Variants in HSPA12A observed in about 807,000 individuals in gnomAD.
The protein encoded by HSPA12A is heat shock 70 kDa protein 12A.
HSPA12A carries 28 observed loss-of-function variants against 69.2 expected under a neutral mutation model. That is an observed-to-expected ratio of 0.40 (90% CI 0.30 to 0.55). The LOEUF (loss-of-function observed/expected upper bound fraction) is 0.55, where lower values mean the gene tolerates loss of function less well. Ranked by LOEUF, HSPA12A falls within the 20% of genes least tolerant of loss-of-function variation. The pLI is 0.38. For missense variants in HSPA12A, 686 were observed against 900.7 expected, an observed-to-expected ratio of 0.76 and a Z score of 3.05; for synonymous variants, 345 against 370.5, an observed-to-expected ratio of 0.93 and a Z score of 0.79.
chr10:116,711,092 G>A (rs952070378), intron 1 of HSPA12A, among the ~76,000 whole-genome samples: 41 of 152,226 alleles, frequency 2.7e-4, no homozygotes, highest in Non-Finnish European at 1.0e-4. Flanking sequence ...ATTGATGTAT[G>A]GAATGCCCTA....
At chr10:116,807,552 T>C (rs1281184177) in intron 2 of HSPA12A, among the ~76,000 whole-genome samples, 1 of 152,206 alleles carries the variant, frequency 6.6e-6, no homozygotes, top group African/African-American at 2.4e-5. Context: ...TTCTATCTTA[T>C]GGCACATTTG....
intron 1 of HSPA12A, among the ~76,000 whole-genome samples, chr10:116,718,646 T>C (rs1189408873): frequency 6.6e-6 from 1 of 152,124 alleles, no homozygotes; most frequent in Non-Finnish European, 1.5e-5. Flanking sequence ...GAGGTAAGTG[T>C]GCTATTTTCT....
chr10:116,763,965 G>A (rs563784815), intron 2 of HSPA12A, among the ~76,000 whole-genome samples: 1 of 152,296 alleles, frequency 6.6e-6, no homozygotes, highest in East Asian at 1.9e-4. Context: ...GGTCGGCAAT[G>A]AGCCTCTCTC....
At chr10:116,743,019 G>T (rs1402252923), upstream of HSPA12A, among the ~76,000 whole-genome samples, 1 of 152,104 alleles carries the variant, frequency 6.6e-6, no homozygotes, top group Non-Finnish European at 1.5e-5. Flanking sequence ...GGTCCCAGGG[G>T]AGCGGCCCTG....
intron 1 of HSPA12A, among the ~76,000 whole-genome samples, chr10:116,738,048 T>A (rs530277025): frequency 2.0e-5 from 3 of 152,358 alleles, no homozygotes; most frequent in Non-Finnish European, 2.9e-5. Flanking sequence ...TCCTCCCCGC[T>A]GTTCTAATTA....
chr10:116,843,672 T>C (rs1278838028), intron 1 of HSPA12A, among the ~76,000 whole-genome samples: 1 of 152,202 alleles, frequency 6.6e-6, no homozygotes, highest in Non-Finnish European at 1.5e-5. Context: ...GAAGGCTTCA[T>C]CATTCTCTTT....
intron 2 of HSPA12A, among the ~76,000 whole-genome samples, chr10:116,787,006 ACATACACACACG>A (rs1242454347): frequency 4.5e-5 from 1 of 22,234 alleles, no homozygotes; most frequent in Non-Finnish European, 1.5e-4. Context: ...ACACACACAC[ACATACACACACG>A]CACGCACTCA....
chr10:116,742,941 C>T (rs919542158), upstream of HSPA12A, among the ~76,000 whole-genome samples: 13 of 152,100 alleles, frequency 8.5e-5, no homozygotes, highest in Non-Finnish European at 1.9e-4. Context: ...CTTCAGCAAG[C>T]CCAGCGCGCC....
intron 6 of HSPA12A, among the ~76,000 whole-genome samples, chr10:116,687,551 A>T (rs1223316208): frequency 6.6e-6 from 1 of 152,180 alleles, no homozygotes; most frequent in African/African-American, 2.4e-5. Context: ...CGAGAAAAGG[A>T]GGAAATGCTA....
intron 2 of HSPA12A, among the ~76,000 whole-genome samples, chr10:116,818,129 G>T (rs1845342771): frequency 1.3e-5 from 2 of 152,200 alleles, no homozygotes; most frequent in Admixed American, 6.5e-5. Context: ...TCTCCAACTA[G>T]GAAGACATCT....
At chr10:116,791,281 A>T (rs999420385) in intron 2 of HSPA12A, among the ~76,000 whole-genome samples, 3 of 152,232 alleles carry the variant, frequency 2.0e-5, no homozygotes, top group African/African-American at 7.2e-5. Context: ...AGATGTGTTT[A>T]AAGCATCTTT....
intron 2 of HSPA12A, among the ~76,000 whole-genome samples, chr10:116,766,744 G>C (rs1304965363): frequency 6.6e-6 from 1 of 152,164 alleles, no homozygotes; most frequent in African/African-American, 2.4e-5. Flanking sequence ...CTAGGAGTAA[G>C]GAATGCCATT....
upstream of HSPA12A, among the ~76,000 whole-genome samples, chr10:116,744,048 G>A (rs1851590944): frequency 6.6e-6 from 1 of 152,188 alleles, no homozygotes; most frequent in Admixed American, 6.5e-5. Context: ...CTGCCTACGT[G>A]CCTGCGACAG....
chr10:116,678,297 A>G (rs1472146225), intron 10 of HSPA12A, among the ~76,000 whole-genome samples: 2 of 151,186 alleles, frequency 1.3e-5, no homozygotes, highest in African/African-American at 4.9e-5. Context: ...CAGATATGCC[A>G]AAGATTCAAA....
At chr10:116,818,085 A>C (rs1845341593) in intron 2 of HSPA12A, among the ~76,000 whole-genome samples, 1 of 152,002 alleles carries the variant, frequency 6.6e-6, no homozygotes, top group Admixed American at 6.6e-5. Flanking sequence ...CCTGCCTCTC[A>C]CCTTTCCCTG....
intron 2 of HSPA12A, among the ~76,000 whole-genome samples, chr10:116,785,180 C>T (rs1314319245): frequency 6.6e-6 from 1 of 152,172 alleles, no homozygotes; most frequent in Non-Finnish European, 1.5e-5. Flanking sequence ...TGTCCACTCT[C>T]AGATTCCTTT....
intron 2 of HSPA12A, among the ~76,000 whole-genome samples, chr10:116,782,335 C>T (rs564263061): frequency 2.0e-5 from 3 of 152,310 alleles, no homozygotes; most frequent in Admixed American, 1.3e-4. Flanking sequence ...GCTGAAGATA[C>T]GTGAGCTTTG....
At chr10:116,772,110 G>A (rs782748228) in intron 2 of HSPA12A, among the ~76,000 whole-genome samples, 1 of 152,188 alleles carries the variant, frequency 6.6e-6, no homozygotes. Flanking sequence ...GGGTAGTGGC[G>A]AGGATGATGG....
chr10:116,694,924 G>A (rs577790386), intron 5 of HSPA12A, among the ~76,000 whole-genome samples: 44 of 152,098 alleles, frequency 2.9e-4, no homozygotes, highest in African/African-American at 1.1e-3. Flanking sequence ...TCACCTTCCC[G>A]AACACCACCC....
Sources: gnomAD v4.1 joint callset for allele counts (sites outside exome capture counted in the v4.1 genomes callset) on GRCh38, gnomAD v4.1.1 for gene constraint, MANE v1.5 for transcripts, NCBI Gene and HGNC (gene_info 2026-07-23, HGNC 2026-07-21) for gene names.